FTO: variants seen among roughly 807,000 people sequenced by gnomAD.
FTO encodes FTO alpha-ketoglutarate dependent dioxygenase, also known as alpha-ketoglutarate-dependent dioxygenase FTO.
A neutral mutation model predicts 63.9 loss-of-function variants in FTO; 47 were observed. The observed-to-expected ratio is 0.74, with a 90% CI of 0.58 to 0.94. The LOEUF is 0.94. FTO is among the 40% of genes least tolerant of loss of function. FTO has a pLI of 0.00. For missense variants in FTO, 562 were observed against 618.1 expected, an observed-to-expected ratio of 0.91 and a Z score of 0.96; for synonymous variants, 207 against 224.4, an observed-to-expected ratio of 0.92 and a Z score of 0.69.
chr16:53,776,246 C>T (rs1419085563), intron 1 of FTO, among the ~76,000 whole-genome samples: 1 of 152,144 alleles, frequency 6.6e-6, no homozygotes, highest in African/African-American at 2.4e-5. Context: ...TTGCAGTTTG[C>T]TGAAGTGTGT....
rs200227202 is a variant in FTO at position 53,879,816 on chromosome 16, A to G, written c.976-28A>G. Reference sequence around the variant, plus strand: ...AGAGTAAACTTAGATTTTGCCCATAATTGTGATTGCTGGTTCTGTCTCAAC... The same window carrying G: ...AGAGTAAACTTAGATTTTGCCCATAGTTGTGATTGCTGGTTCTGTCTCAAC... On this transcript the variant is annotated intron_variant, in intron 5 of 8. Coordinates refer to ENST00000471389, the MANE Select transcript of FTO (RefSeq NM_001080432.3). The G allele has an allele frequency of 3.3e-5, 53 of 1,613,128 alleles. 2 individuals are homozygous for G. The highest frequency in any genetic ancestry group is 2.1e-4 in the African/African-American group (16 of 74,808).
At chr16:54,016,410 A>G (rs2084451532) in intron 8 of FTO, among the ~76,000 whole-genome samples, 1 of 151,838 alleles carries the variant, frequency 6.6e-6, no homozygotes, top group South Asian at 2.1e-4. Flanking sequence ...AGTTGCTACC[A>G]CCCCTCATTT....
intron 2 of FTO, among the ~76,000 whole-genome samples, chr16:53,815,636 G>GTTTTTTTTTTTTTTTTTTTTTTTTTTTT (rs556357629): frequency 4.1e-5 from 4 of 98,158 alleles, no homozygotes; most frequent in African/African-American, 1.6e-4. Context: ...TGACTTTCTT[G>GTTTTTTTTTTTTTTTTTTTTTTTTTTTT]TTTTTTTTTT....
intron 1 of FTO, among the ~76,000 whole-genome samples, chr16:53,705,332 C>CTGGA (rs1432374138): frequency 1.3e-5 from 2 of 152,224 alleles, no homozygotes; most frequent in Admixed American, 1.3e-4. Context: ...CCTGCATGAT[C>CTGGA]TGGACCCTAC....
At chr16:53,811,287 A>G (rs1041891488) in intron 2 of FTO, among the ~76,000 whole-genome samples, 4 of 152,216 alleles carry the variant, frequency 2.6e-5, no homozygotes, top group African/African-American at 9.6e-5. Flanking sequence ...TACAATGTGA[A>G]GTCTTGAAGC....
chr16:54,002,801 AT>A (rs1282061071), intron 8 of FTO, among the ~76,000 whole-genome samples: 1 of 152,252 alleles, frequency 6.6e-6, no homozygotes, highest in African/African-American at 2.4e-5. Context: ...GCCCTCATAC[AT>A]TACTAGTGAG....
At chr16:53,938,227 TC>T (rs1337034013) in intron 8 of FTO, among the ~76,000 whole-genome samples, 1 of 152,264 alleles carries the variant, frequency 6.6e-6, no homozygotes, top group African/African-American at 2.4e-5. Flanking sequence ...TGGCAGTTTT[TC>T]TGTAAATATA....
At position 54,111,831 on chromosome 16, in the gene FTO, G is replaced by A. The variant is rs1412828427; in HGVS notation, c.1434G>A (p.Lys478=). The change falls in exon 9 of 9, where the codon AAG becomes AAA. Residue 478 remains lysine (K), a synonymous_variant. Coordinates refer to ENST00000471389, the MANE Select transcript of FTO (RefSeq NM_001080432.3). ...CAGAATGTCGGCCATACTGGGAAAA[G>A]GATGATGCTTCGATGCCTCTGCCGT... ...QKPECRPYWE[K]DDASMPLPFD... The A allele has an allele frequency of 5.0e-6, 8 of 1,614,170 alleles. No homozygotes were observed. The highest frequency in any genetic ancestry group is 5.9e-6 in the Non-Finnish European group (7 of 1,180,012).
intron 8 of FTO, among the ~76,000 whole-genome samples, chr16:54,110,498 T>A (rs1184771259): frequency 6.6e-6 from 1 of 152,214 alleles, no homozygotes; most frequent in African/African-American, 2.4e-5. Context: ...GTGCATAGGA[T>A]GCCGGTGTAG....
intron 8 of FTO, among the ~76,000 whole-genome samples, chr16:54,032,243 A>G (rs1396097872): frequency 6.6e-6 from 1 of 152,204 alleles, no homozygotes; most frequent in Non-Finnish European, 1.5e-5. Context: ...AATAGAAAAG[A>G]CGTGAATTTC....
intron 5 of FTO, 28 bp from the exon 6 acceptor site, chr16:53,879,816 A>C (rs200227202): frequency 6.2e-7 from 1 of 1,613,128 alleles, no homozygotes; most frequent in African/African-American, 1.3e-5. Flanking sequence ...TTTGCCCATA[A>C]TTGTGATTGC....
At chr16:54,028,041 A>T (rs1276273906) in intron 8 of FTO, among the ~76,000 whole-genome samples, 6 of 152,074 alleles carry the variant, frequency 3.9e-5, no homozygotes, top group African/African-American at 1.4e-4. Flanking sequence ...GGCTTCGGGC[A>T]AAGCAACTAG....
intron 2 of FTO, among the ~76,000 whole-genome samples, chr16:53,820,742 T>C (rs2078841269): frequency 6.6e-6 from 1 of 151,820 alleles, no homozygotes; most frequent in Non-Finnish European, 1.5e-5. Context: ...GGTTTTTTGT[T>C]CTTGCGATAG....
chr16:54,040,771 A>G (rs1339647997), intron 8 of FTO: 1 of 152,216 alleles, frequency 6.6e-6, no homozygotes, highest in East Asian at 1.9e-4. Context: ...CGAGATGAGA[A>G]TAGTCAGAGA....
At chr16:53,796,586 T>C (rs1005744115) in intron 1 of FTO, among the ~76,000 whole-genome samples, 1 of 152,124 alleles carries the variant, frequency 6.6e-6, no homozygotes, top group African/African-American at 2.4e-5. Flanking sequence ...ATATGATACA[T>C]TTGAGAACTT....
intron 1 of FTO, among the ~76,000 whole-genome samples, chr16:53,775,055 C>T (rs1210926269): frequency 1.3e-5 from 2 of 152,124 alleles, no homozygotes; most frequent in East Asian, 3.8e-4. Context: ...ATCCAGAACT[C>T]CTAGCTGCAA....
chr16:54,023,157 C>G (rs1161589085), intron 8 of FTO, among the ~76,000 whole-genome samples: 5 of 152,186 alleles, frequency 3.3e-5, no homozygotes, highest in African/African-American at 7.2e-5. Flanking sequence ...CCAAACAGGA[C>G]TAGCAATTAC....
At chr16:53,774,515 G>T (rs72803677) in intron 1 of FTO, among the ~76,000 whole-genome samples, 2,297 of 152,096 alleles carry the variant, frequency 0.015, 40 homozygotes, top group Non-Finnish European at 0.021. Flanking sequence ...CTCTGTTTCT[G>T]GCCTGGCTCT....
chr16:54,095,098 T>A (rs1166046895), intron 8 of FTO, among the ~76,000 whole-genome samples: 1 of 152,002 alleles, frequency 6.6e-6, no homozygotes, highest in African/African-American at 2.4e-5. Flanking sequence ...AGAGACAGAG[T>A]CTCGCTATGT....
Sources: gnomAD v4.1 joint callset for allele counts (sites outside exome capture counted in the v4.1 genomes callset) on GRCh38, gnomAD v4.1.1 for gene constraint, MANE v1.5 for transcripts, NCBI Gene and HGNC (gene_info 2026-07-23, HGNC 2026-07-21) for gene names.